The following SHISA9 variants were observed in gnomAD, a reference collection of about 807,000 sequenced individuals.
SHISA9 encodes the protein protein shisa-9.
SHISA9 carries 13 observed loss-of-function variants against 38.0 expected under a neutral mutation model. The observed-to-expected ratio is 0.34, with a 90% CI of 0.22 to 0.54. The LOEUF (loss-of-function observed/expected upper bound fraction) is 0.54, where lower values mean the gene tolerates loss of function less well. Among genes scored for constraint, SHISA9 ranks in the 20% least tolerant of loss-of-function variants. The pLI is 0.91. For missense variants in SHISA9, 538 were observed against 575.8 expected (o/e 0.93, Z 0.67); for synonymous variants, 275 against 242.0 (o/e 1.14, Z -1.27).
chr16:12,911,981 T>A (rs2071190076), intron 1 of SHISA9, among the ~76,000 whole-genome samples: 1 of 152,224 alleles, frequency 6.6e-6, no homozygotes, highest in African/African-American at 2.4e-5. Flanking sequence ...TGCATCCCCT[T>A]TGGGGGCACA....
chr16:12,961,180 C>T (rs567196432), intron 2 of SHISA9, among the ~76,000 whole-genome samples: 1 of 152,104 alleles, frequency 6.6e-6, no homozygotes, highest in African/African-American at 2.4e-5. Flanking sequence ...AATAGCAACC[C>T]AGGCAGAGGG....
chr16:13,385,543 C>G, the SHISA9 span, among the ~76,000 whole-genome samples: 1 of 113,244 alleles, frequency 8.8e-6, no homozygotes, highest in East Asian at 3.4e-4. Context: ...TATATCCATA[C>G]CATGAAATAG....
At chr16:13,309,333 G>T in the SHISA9 span, among the ~76,000 whole-genome samples, 1 of 152,034 alleles carries the variant, frequency 6.6e-6, no homozygotes, top group Non-Finnish European at 1.5e-5. Context: ...TCCTGCACAT[G>T]TACCCTGGAA....
intron 2 of SHISA9, among the ~76,000 whole-genome samples, chr16:13,055,858 G>A (rs1483984957): frequency 6.6e-6 from 1 of 152,224 alleles, no homozygotes; most frequent in East Asian, 1.9e-4. Flanking sequence ...TGAGAGTGAT[G>A]GAACAAATTA....
intron 2 of SHISA9, among the ~76,000 whole-genome samples, chr16:13,130,800 T>G (rs1255200683): frequency 6.6e-6 from 1 of 152,232 alleles, no homozygotes; most frequent in Non-Finnish European, 1.5e-5. Context: ...TGTAGAAGAC[T>G]GGTTTGGCCA....
downstream of SHISA9, among the ~76,000 whole-genome samples, chr16:13,245,164 A>G (rs1346098437): frequency 1.3e-5 from 2 of 152,044 alleles, no homozygotes; most frequent in African/African-American, 4.8e-5. Context: ...CAATCTGCCC[A>G]CCTCAGCCTC....
chr16:12,952,206 T>C (rs1463293606), intron 2 of SHISA9, among the ~76,000 whole-genome samples: 1 of 152,238 alleles, frequency 6.6e-6, no homozygotes, highest in Non-Finnish European at 1.5e-5. Flanking sequence ...CAGCTCATGC[T>C]TTCCCAAGGT....
chr16:13,292,062 C>A, the SHISA9 span, among the ~76,000 whole-genome samples: 1 of 151,442 alleles, frequency 6.6e-6, no homozygotes, highest in Non-Finnish European at 1.5e-5. Flanking sequence ...TCCTCATGAT[C>A]AATGTCTTCT....
the SHISA9 span, among the ~76,000 whole-genome samples, chr16:13,270,054 A>G: frequency 6.6e-6 from 1 of 152,164 alleles, no homozygotes; most frequent in East Asian, 1.9e-4. Flanking sequence ...AAAACCAACC[A>G]CATTGGGAGG....
At chr16:13,245,954 A>G in the SHISA9 span, among the ~76,000 whole-genome samples, 1 of 152,148 alleles carries the variant, frequency 6.6e-6, no homozygotes, top group African/African-American at 2.4e-5. Flanking sequence ...GACAGTTAAT[A>G]CCAATGTCCT....
intron 2 of SHISA9, among the ~76,000 whole-genome samples, chr16:13,179,173 G>C (rs956227725): frequency 1.3e-4 from 20 of 152,126 alleles, no homozygotes; most frequent in Admixed American, 1.2e-3. Context: ...AATAAAATTA[G>C]CTGGGTGTGG....
intron 2 of SHISA9, among the ~76,000 whole-genome samples, chr16:12,989,992 C>T (rs907343965): frequency 2.0e-5 from 3 of 152,140 alleles, no homozygotes; most frequent in African/African-American, 4.8e-5. Flanking sequence ...CATGTGTCCT[C>T]ATCATTCAGC....
At chr16:13,244,890 A>G (rs2051460888), downstream of SHISA9, among the ~76,000 whole-genome samples, 1 of 152,204 alleles carries the variant, frequency 6.6e-6, no homozygotes, top group South Asian at 2.1e-4. Context: ...GGTCGGTGCT[A>G]ATACTATAGG....
chr16:13,073,532 C>T (rs954454135), intron 2 of SHISA9, among the ~76,000 whole-genome samples: 3 of 152,174 alleles, frequency 2.0e-5, no homozygotes, highest in African/African-American at 4.8e-5. Context: ...GACCCCAGCT[C>T]AGACCTAGTG....
At chr16:13,146,485 A>C (rs1052842778) in intron 2 of SHISA9, among the ~76,000 whole-genome samples, 35 of 152,292 alleles carry the variant, frequency 2.3e-4, no homozygotes, top group Middle Eastern at 3.4e-3. Flanking sequence ...TGGGGTATCC[A>C]TCACCTCAAG....
intron 2 of SHISA9, among the ~76,000 whole-genome samples, chr16:13,200,177 T>G (rs2050990642): frequency 6.6e-6 from 1 of 152,144 alleles, no homozygotes; most frequent in Non-Finnish European, 1.5e-5. Context: ...TTTATTTGCT[T>G]CTTCTTGTTC....
intron 3 of SHISA9, among the ~76,000 whole-genome samples, chr16:13,207,692 G>A (rs1173058059): frequency 6.6e-6 from 1 of 152,166 alleles, no homozygotes; most frequent in Non-Finnish European, 1.5e-5. Flanking sequence ...CAGACTGAGG[G>A]ATTGCTTGAC....
intron 2 of SHISA9, among the ~76,000 whole-genome samples, chr16:13,071,396 T>C (rs991448796): frequency 6.6e-6 from 1 of 152,118 alleles, no homozygotes; most frequent in African/African-American, 2.4e-5. Flanking sequence ...TTCCAACAAT[T>C]CCTCCTACTA....
intron 2 of SHISA9, among the ~76,000 whole-genome samples, chr16:13,198,629 C>G (rs1334889556): frequency 6.6e-6 from 1 of 152,258 alleles, no homozygotes; most frequent in Admixed American, 6.5e-5. Context: ...GGAAAACTCA[C>G]AAAGCAACTG....
Sources: gnomAD v4.1 joint callset for allele counts (sites outside exome capture counted in the v4.1 genomes callset) on GRCh38, gnomAD v4.1.1 for gene constraint, MANE v1.5 for transcripts, NCBI Gene and HGNC (gene_info 2026-07-23, HGNC 2026-07-21) for gene names.